Variants in UNC13C observed in about 807,000 individuals in gnomAD.
UNC13C encodes the protein protein unc-13 homolog C.
Under a neutral mutation model 245.4 loss-of-function variants are expected in UNC13C, and 174 were observed. The ratio of observed to expected loss-of-function variants is 0.71; its 90% CI spans 0.63 to 0.80. The LOEUF (loss-of-function observed/expected upper bound fraction) is 0.80. Among genes scored for constraint, UNC13C ranks in the 30% least tolerant of loss-of-function variants. The probability of loss-of-function intolerance (pLI) is 0.00; values close to 1 mark genes in which losing one functional copy is unlikely to be tolerated. For missense variants in UNC13C, 2,829 were observed against 2,602.9 expected, an observed-to-expected ratio of 1.09 and a Z score of -1.89; for synonymous variants, 992 against 895.1, an observed-to-expected ratio of 1.11 and a Z score of -1.93.
At chr15:54,168,771 T>G (rs991376541) in intron 4 of UNC13C, among the ~76,000 whole-genome samples, 1 of 152,004 alleles carries the variant, frequency 6.6e-6, no homozygotes. Flanking sequence ...GTAGAAAAAA[T>G]CAGCGAAAAC....
At chr15:54,452,719 T>A (rs972710582) in intron 19 of UNC13C, among the ~76,000 whole-genome samples, 8 of 152,238 alleles carry the variant, frequency 5.3e-5, no homozygotes, top group African/African-American at 1.9e-4. Flanking sequence ...GCATCTGCAC[T>A]GTGGCCCTGC....
chr15:54,401,730 C>T (rs2040189530), intron 18 of UNC13C, among the ~76,000 whole-genome samples: 1 of 152,094 alleles, frequency 6.6e-6, no homozygotes, highest in Admixed American at 6.6e-5. Flanking sequence ...TGATCCCCAT[C>T]TGTGGTCGTT....
chr15:53,859,514 A>G, the UNC13C span, among the ~76,000 whole-genome samples: 5 of 152,330 alleles, frequency 3.3e-5, no homozygotes, highest in South Asian at 1.0e-3. Flanking sequence ...ATTCTTTATC[A>G]TTATTTTATA....
rs941310452 is a variant in UNC13C at position 54,355,308 on chromosome 15, CAT to C, written c.4713+16820_4713+16821del. Among the ~76,000 whole-genome samples the C allele has an allele frequency of 1.4e-4, 21 of 152,288 alleles. No individual in the cohort carries two copies. In the East Asian group the frequency reaches 2.9e-3, roughly 21 times the overall value. On this transcript the variant is annotated intron_variant, in intron 17 of 32. Coordinates refer to ENST00000260323, the MANE Select transcript of UNC13C (RefSeq NM_001080534.3). ...TATTTCTATGATCATGCAGTCTACA[CAT>C]GTCATGTTTCATTTCATTATCTCTG...
At chr15:54,593,039 A>T (rs1898887894) in intron 30 of UNC13C, among the ~76,000 whole-genome samples, 1 of 152,092 alleles carries the variant, frequency 6.6e-6, no homozygotes, top group South Asian at 2.1e-4. Flanking sequence ...GTTTGTCTGA[A>T]AATAACTATC....
chr15:54,552,674 T>C (rs1896854860), intron 28 of UNC13C, among the ~76,000 whole-genome samples: 1 of 84,316 alleles, frequency 1.2e-5, no homozygotes, highest in South Asian at 3.7e-4. Context: ...TTGTACTATA[T>C]AATATAATTA....
intron 17 of UNC13C, among the ~76,000 whole-genome samples, chr15:54,365,173 C>A (rs1286040698): frequency 6.6e-6 from 1 of 152,064 alleles, no homozygotes; most frequent in Non-Finnish European, 1.5e-5. Context: ...TGCGTCCTTT[C>A]TGTTCCTGAC....
chr15:54,136,417 GATTT>G (rs2141224621), intron 2 of UNC13C, among the ~76,000 whole-genome samples: 1 of 152,168 alleles, frequency 6.6e-6, no homozygotes, highest in East Asian at 1.9e-4. Flanking sequence ...TGACACTTTA[GATTT>G]GTTTATCAGT....
intron 19 of UNC13C, among the ~76,000 whole-genome samples, chr15:54,480,907 T>G (rs908699931): frequency 1.3e-5 from 2 of 152,172 alleles, no homozygotes; most frequent in African/African-American, 2.4e-5. Context: ...GAAATCAGAT[T>G]AGCAGCAGAT....
intron 18 of UNC13C, among the ~76,000 whole-genome samples, chr15:54,400,144 T>G (rs73417782): frequency 6.6e-6 from 1 of 151,882 alleles, no homozygotes. Context: ...GTTTAGTATT[T>G]ATCTCTAAAA....
chr15:54,497,123 T>C (rs1290649594), intron 20 of UNC13C, among the ~76,000 whole-genome samples: 1 of 152,100 alleles, frequency 6.6e-6, no homozygotes, highest in Non-Finnish European at 1.5e-5. Context: ...TGGCTCTGTC[T>C]AGACACTCTA....
the UNC13C span, among the ~76,000 whole-genome samples, chr15:53,946,963 G>A: frequency 1.3e-5 from 2 of 152,068 alleles, no homozygotes; most frequent in African/African-American, 4.8e-5. Flanking sequence ...TTTTTAAAAA[G>A]TCATTAACAC....
the UNC13C span, among the ~76,000 whole-genome samples, chr15:53,870,661 C>T: frequency 0.62 from 94,635 of 151,958 alleles, 29,506 homozygotes; most frequent in East Asian, 0.68. Context: ...AAACACCTGA[C>T]ATATGCCAGG....
intron 16 of UNC13C, among the ~76,000 whole-genome samples, chr15:54,337,954 T>C (rs1190458560): frequency 1.3e-5 from 2 of 152,172 alleles, no homozygotes; most frequent in East Asian, 3.9e-4. Flanking sequence ...TCAACATGCA[T>C]CATCATGTAA....
At chr15:54,429,648 T>C (rs963908570) in intron 19 of UNC13C, among the ~76,000 whole-genome samples, 9 of 151,698 alleles carry the variant, frequency 5.9e-5, no homozygotes, top group Non-Finnish European at 1.3e-4. Flanking sequence ...TTTAATCAGA[T>C]TTTTTCCTAA....
chr15:54,412,022 GTATT>G (rs2040425466), intron 18 of UNC13C, among the ~76,000 whole-genome samples: 1 of 151,828 alleles, frequency 6.6e-6, no homozygotes, highest in African/African-American at 2.4e-5. Context: ...AGATTTATAA[GTATT>G]TAATAACTTT....
chr15:54,345,341 G>A (rs2038835550), intron 17 of UNC13C, among the ~76,000 whole-genome samples: 1 of 152,144 alleles, frequency 6.6e-6, no homozygotes. Flanking sequence ...ATTGAATGAA[G>A]TGCCCTATTC....
the UNC13C span, among the ~76,000 whole-genome samples, chr15:53,922,844 G>GT: frequency 6.6e-6 from 1 of 152,166 alleles, no homozygotes; most frequent in Non-Finnish European, 1.5e-5. Flanking sequence ...TACCAGAAAA[G>GT]TTGGATTGAA....
chr15:54,013,485 CT>C lies in UNC13C; in HGVS notation c.583del (p.Ser195ProfsTer6). On this transcript the variant is annotated frameshift_variant, in exon 2 of 33. Transcript: ENST00000260323. LOFTEE classifies it high-confidence loss of function. ...RKWKKSQECV[S>X]SDSELSTMKK... Reference sequence around the variant, plus strand: ...AATGGAAAAAGAGTCAAGAATGTGTCTCCTCAGACTCAGAGTTAAGCACCAT... The same window carrying C: ...AATGGAAAAAGAGTCAAGAATGTGTCCCTCAGACTCAGAGTTAAGCACCAT... 6.2e-7 allele frequency: 1 copy of C among 1,613,884 alleles called. No homozygotes were observed. The highest frequency in any genetic ancestry group is 8.5e-7 in the Non-Finnish European group (1 of 1,179,860).
Sources: gnomAD v4.1 joint callset for allele counts (sites outside exome capture counted in the v4.1 genomes callset) on GRCh38, gnomAD v4.1.1 for gene constraint, MANE v1.5 for transcripts, NCBI Gene and HGNC (gene_info 2026-07-23, HGNC 2026-07-21) for gene names.